IL1RAPL2: variants seen among roughly 807,000 people sequenced by gnomAD.
IL1RAPL2 encodes the protein interleukin 1 receptor accessory protein like 2.
IL1RAPL2 carries 3 observed loss-of-function variants against 44.1 expected under a neutral mutation model. The ratio of observed to expected loss-of-function variants is 0.07; its 90% CI spans 0.03 to 0.18. IL1RAPL2 has a LOEUF of 0.18. Among genes scored for constraint, IL1RAPL2 ranks in the 10% least tolerant of loss-of-function variants. IL1RAPL2 has a pLI of 1.00. For missense variants in IL1RAPL2, 391 were observed against 496.4 expected (o/e 0.79, Z 2.02); for synonymous variants, 181 against 178.8 (o/e 1.01, Z -0.10).
chrX:104,876,651 CTTTTTT>C (rs777164255), intron 2 of IL1RAPL2, among the ~76,000 whole-genome samples: 2 of 64,708 alleles, frequency 3.1e-5, no homozygotes, highest in African/African-American at 5.7e-5. Flanking sequence ...ATATAGCTTT[CTTTTTT>C]TTTTTTTTTT....
intron 1 of IL1RAPL2, among the ~76,000 whole-genome samples, chrX:104,657,087 G>T (rs1026294231): frequency 1.8e-5 from 2 of 110,875 alleles, no homozygotes; most frequent in Non-Finnish European, 3.8e-5. Flanking sequence ...TGTGAGATGG[G>T]TCTCCTGAAT....
intron 5 of IL1RAPL2, among the ~76,000 whole-genome samples, chrX:105,478,318 A>G (rs2036211168): frequency 9.0e-6 from 1 of 110,934 alleles, no homozygotes; most frequent in Non-Finnish European, 1.9e-5. Context: ...CCAACAATGC[A>G]TGGGACAGTC....
At chrX:104,709,434 G>A (rs1047502772) in intron 2 of IL1RAPL2, among the ~76,000 whole-genome samples, 1 of 110,409 alleles carries the variant, frequency 9.1e-6, no homozygotes, top group Non-Finnish European at 1.9e-5. Context: ...CGCTTGAATG[G>A]TCATACTGAC....
intron 2 of IL1RAPL2, among the ~76,000 whole-genome samples, chrX:104,900,113 G>C (rs1345353274): frequency 9.0e-6 from 1 of 111,648 alleles, no homozygotes; most frequent in Admixed American, 9.5e-5. Context: ...TTCCTCATCT[G>C]CTAGGTGATA....
chrX:105,442,909 C>T (rs1394030207), intron 5 of IL1RAPL2, among the ~76,000 whole-genome samples: 1 of 111,193 alleles, frequency 9.0e-6, no homozygotes, highest in Non-Finnish European at 1.9e-5. Flanking sequence ...AACCCCATCT[C>T]TACTAAAAAT....
chrX:104,795,923 C>A (rs1184971670), intron 2 of IL1RAPL2, among the ~76,000 whole-genome samples: 2 of 111,908 alleles, frequency 1.8e-5, no homozygotes, highest in Non-Finnish European at 3.8e-5. Flanking sequence ...ATATCCCCAA[C>A]AAAAGACTAA....
intron 5 of IL1RAPL2, among the ~76,000 whole-genome samples, chrX:105,344,772 G>A (rs1174719965): frequency 2.7e-5 from 3 of 111,655 alleles, no homozygotes; most frequent in African/African-American, 9.8e-5. Flanking sequence ...AAAAAAATGA[G>A]GATATGCTGA....
At chrX:105,151,391 A>G (rs751838822) in intron 2 of IL1RAPL2, among the ~76,000 whole-genome samples, 1 of 111,161 alleles carries the variant, frequency 9.0e-6, no homozygotes, top group Non-Finnish European at 1.9e-5. Flanking sequence ...GCTGATTAAG[A>G]TTTTATTCTA....
intron 6 of IL1RAPL2, among the ~76,000 whole-genome samples, chrX:105,543,303 C>A (rs1230349156): frequency 3.6e-5 from 4 of 112,094 alleles, no homozygotes; most frequent in African/African-American, 1.3e-4. Context: ...TAAATATGGT[C>A]ATTTAAAAAT....
At chrX:104,628,817 A>G (rs1222890464) in intron 1 of IL1RAPL2, among the ~76,000 whole-genome samples, 1 of 112,416 alleles carries the variant, frequency 8.9e-6, no homozygotes, top group South Asian at 3.7e-4. Context: ...ATGAATCTAT[A>G]CTACAGCAAT....
At chrX:105,365,106 T>G (rs1424269169) in intron 5 of IL1RAPL2, among the ~76,000 whole-genome samples, 1 of 112,002 alleles carries the variant, frequency 8.9e-6, no homozygotes, top group African/African-American at 3.2e-5. Flanking sequence ...GTTTTTATTA[T>G]GAACAGATGT....
At chrX:104,992,187 G>T (rs764088682) in intron 2 of IL1RAPL2, among the ~76,000 whole-genome samples, 1 of 111,070 alleles carries the variant, frequency 9.0e-6, no homozygotes, top group South Asian at 3.8e-4. Flanking sequence ...AGAGAAACTG[G>T]ATGTTACCTT....
At chrX:105,556,871 A>T (rs1226644533) in intron 6 of IL1RAPL2, among the ~76,000 whole-genome samples, 1 of 112,028 alleles carries the variant, frequency 8.9e-6, no homozygotes, top group Non-Finnish European at 1.9e-5. Flanking sequence ...AGAAACAAAT[A>T]CAAAAAATAA....
chrX:104,860,070 A>G (rs1268131385), intron 2 of IL1RAPL2, among the ~76,000 whole-genome samples: 1 of 112,155 alleles, frequency 8.9e-6, no homozygotes, highest in Non-Finnish European at 1.9e-5. Context: ...CATTTAATGG[A>G]GAATGTTCTT....
intron 6 of IL1RAPL2, among the ~76,000 whole-genome samples, chrX:105,664,680 T>G (rs182619049): frequency 1.8e-5 from 2 of 111,850 alleles, no homozygotes; most frequent in East Asian, 5.6e-4. Flanking sequence ...AGAATGTCTC[T>G]AATCTAGCCT....
chrX:105,680,070 G>A (rs1282201032), intron 6 of IL1RAPL2, among the ~76,000 whole-genome samples: 1 of 110,661 alleles, frequency 9.0e-6, no homozygotes, highest in African/African-American at 3.3e-5. Flanking sequence ...GTGCGATCTC[G>A]GCTCACTGCA....
At chrX:104,955,436 CAG>C (rs1569350849) in intron 2 of IL1RAPL2, among the ~76,000 whole-genome samples, 2 of 107,739 alleles carry the variant, frequency 1.9e-5, no homozygotes, top group African/African-American at 6.8e-5. Context: ...GTCCGGACAA[CAG>C]AAATTTATTT....
intron 5 of IL1RAPL2, among the ~76,000 whole-genome samples, chrX:105,409,097 G>T (rs1392184165): frequency 9.0e-6 from 1 of 111,031 alleles, no homozygotes; most frequent in Non-Finnish European, 1.9e-5. Flanking sequence ...GAAATGCTTA[G>T]GTATGTCTAC....
At chrX:105,173,856 C>T (rs1485829600) in intron 2 of IL1RAPL2, among the ~76,000 whole-genome samples, 1 of 110,177 alleles carries the variant, frequency 9.1e-6, no homozygotes, top group Non-Finnish European at 1.9e-5. Flanking sequence ...CCTCAGCCTC[C>T]TGCGTAGCTG....
Sources: allele counts gnomAD v4.1 joint callset (sites outside exome capture counted in the v4.1 genomes callset), GRCh38; gene constraint gnomAD v4.1.1; transcripts MANE v1.5; gene names NCBI Gene and HGNC (gene_info 2026-07-23, HGNC 2026-07-21).